Variants in ST8SIA5 observed in about 807,000 individuals in gnomAD.
ST8SIA5 encodes alpha-2,8-sialyltransferase 8E.
A neutral mutation model predicts 40.2 loss-of-function variants in ST8SIA5; 24 were observed. The ratio of observed to expected loss-of-function variants is 0.60; its 90% CI spans 0.43 to 0.84. The LOEUF is 0.84. Ranked by LOEUF, ST8SIA5 falls within the 40% of genes least tolerant of loss-of-function variation. ST8SIA5 has a pLI of 0.00. For missense variants in ST8SIA5, 465 were observed against 498.5 expected, an observed-to-expected ratio of 0.93 and a Z score of 0.64; for synonymous variants, 198 against 201.8, an observed-to-expected ratio of 0.98 and a Z score of 0.16.
intron 2 of ST8SIA5, among the ~76,000 whole-genome samples, chr18:46,704,311 C>T (rs1274190151): frequency 6.6e-6 from 1 of 152,134 alleles, no homozygotes; most frequent in African/African-American, 2.4e-5. Flanking sequence ...GTAATTGAGG[C>T]GGGGACTTTA....
At chr18:46,733,552 C>A (rs370108820) in intron 1 of ST8SIA5, among the ~76,000 whole-genome samples, 2 of 151,064 alleles carry the variant, frequency 1.3e-5, no homozygotes, top group African/African-American at 4.9e-5. Flanking sequence ...AACTAACAGG[C>A]GACAAAATGC....
intron 1 of ST8SIA5, among the ~76,000 whole-genome samples, chr18:46,736,761 C>T (rs2040038429): frequency 6.6e-6 from 1 of 152,088 alleles, no homozygotes; most frequent in African/African-American, 2.4e-5. Context: ...GATGGAATAC[C>T]AGGCTGGAGT....
Position 46,692,224 on chromosome 18 carries a change from T to C in ST8SIA5, c.256A>G (p.Lys86Glu), listed in dbSNP as rs2039513088. 6.2e-7 allele frequency: 1 copy of C among 1,613,996 alleles called. No homozygotes were observed. Among genetic ancestry groups the C allele is most frequent in the Admixed American group, 1.7e-5 (1 of 59,994 alleles). The change falls in exon 3 of 7, where the codon AAG becomes GAG. Residue 86 changes from lysine to glutamate, a missense_variant. Coordinates refer to ENST00000315087, the MANE Select transcript of ST8SIA5 (RefSeq NM_013305.6). ...GCCCATTTGCACATCTGGAGGCTCT[T>C]CCACCTGTCGAACAGCTCTGACTGC... Reference protein sequence around the residue: ...VKQSELFDRWKSLQMCKWAMN... With the variant: ...VKQSELFDRWESLQMCKWAMN...
intron 1 of ST8SIA5, among the ~76,000 whole-genome samples, chr18:46,729,403 C>T (rs1040283666): frequency 2.9e-4 from 3 of 10,286 alleles, no homozygotes; most frequent in African/African-American, 4.8e-4. Flanking sequence ...TGAACTCCAC[C>T]CTCCCCAGAG....
Position 46,752,235 on chromosome 18 carries a change from G to T in ST8SIA5, c.131+4143C>A, listed in dbSNP as rs139892181. 1.2e-4 allele frequency among the ~76,000 whole-genome samples: 18 copies of T among 152,154 alleles called. 1 individual carries two copies. The East Asian group carries it at 3.5e-3, about 29-fold the overall frequency. Reference sequence around the variant, plus strand: ...GCCTCCATGTACCTTGAAACACAGTGATTTTCTCTGGCGCCTCCTCCTTGT... The same window carrying T: ...GCCTCCATGTACCTTGAAACACAGTTATTTTCTCTGGCGCCTCCTCCTTGT... On this transcript the variant is annotated intron_variant, in intron 1 of 6. Transcript: ENST00000315087.
chr18:46,692,284 G>C, intron 2 of ST8SIA5, 29 bp from the exon 3 acceptor site: 1 of 1,606,612 alleles, frequency 6.2e-7, no homozygotes, highest in Non-Finnish European at 8.5e-7. Context: ...AAGAGTACAT[G>C]AGCAGGGTAG....
At chr18:46,709,719 G>T (rs866178071) in intron 1 of ST8SIA5, among the ~76,000 whole-genome samples, 4 of 152,154 alleles carry the variant, frequency 2.6e-5, no homozygotes, top group Admixed American at 2.0e-4. Flanking sequence ...TTATATATAC[G>T]TATGTGAAAG....
chr18:46,725,996 T>TATATATATCCTGG (rs1555696976), intron 1 of ST8SIA5, among the ~76,000 whole-genome samples: 40 of 66,022 alleles, frequency 6.1e-4, no homozygotes, highest in Non-Finnish European at 8.7e-4. Flanking sequence ...TATATATATA[T>TATATATATCCTGG]ATATATATAT....
intron 1 of ST8SIA5, among the ~76,000 whole-genome samples, chr18:46,736,408 G>A (rs1456754336): frequency 6.6e-6 from 1 of 152,208 alleles, no homozygotes; most frequent in African/African-American, 2.4e-5. Flanking sequence ...CAGCAGAAGT[G>A]CACCGGGTGG....
At chr18:46,708,577 A>G (rs1044340886) in intron 1 of ST8SIA5, among the ~76,000 whole-genome samples, 1 of 152,116 alleles carries the variant, frequency 6.6e-6, no homozygotes, top group Non-Finnish European at 1.5e-5. Flanking sequence ...ATACTCTTGG[A>G]CACTGGAATA....
At chr18:46,737,382 T>C (rs1264181077) in intron 1 of ST8SIA5, among the ~76,000 whole-genome samples, 1 of 152,254 alleles carries the variant, frequency 6.6e-6, no homozygotes, top group Non-Finnish European at 1.5e-5. Context: ...TTAAGTGTTC[T>C]GTAAGTTTCT....
intron 1 of ST8SIA5, among the ~76,000 whole-genome samples, chr18:46,730,633 G>C (rs774616287): frequency 5.9e-5 from 9 of 152,104 alleles, no homozygotes; most frequent in Non-Finnish European, 7.4e-5. Context: ...AGGAGTTTGA[G>C]ACCAGCCTAG....
Position 46,680,492 on chromosome 18 carries a change from C to G in ST8SIA5, c.681G>C (p.Lys227Asn), listed in dbSNP as rs771106604. ...IITERFHKLE[K>N]WRRPFYRVLQ... ...GCACGCGATAGAACGGCCGCCGCCA[C>G]TTCTCCAGCTTGTGGAACCTACACA... The change falls in exon 7 of 7, where the codon AAG (lysine) becomes AAC (asparagine). Residue 227 changes from lysine to asparagine, a missense_variant. Lys to Asn is a moderately conservative substitution (Grantham distance 94). Coordinates refer to ENST00000315087, the MANE Select transcript of ST8SIA5 (RefSeq NM_013305.6). 4.4e-6 allele frequency: 7 copies of G among 1,593,552 alleles called. No homozygotes were observed. In the African/African-American group the frequency reaches 5.4e-5, roughly 12 times the overall value.
intron 1 of ST8SIA5, among the ~76,000 whole-genome samples, chr18:46,743,675 G>A (rs996842012): frequency 6.6e-6 from 1 of 152,144 alleles, no homozygotes; most frequent in Non-Finnish European, 1.5e-5. Context: ...CCCCAACCTA[G>A]CAAGGCAGGC....
chr18:46,752,549 C>G (rs1314886443), intron 1 of ST8SIA5, among the ~76,000 whole-genome samples: 1 of 152,224 alleles, frequency 6.6e-6, no homozygotes, highest in Non-Finnish European at 1.5e-5. Context: ...TGCACTGCCC[C>G]ACCTTCTCCC....
chr18:46,755,053 C>T (rs1347373147), intron 1 of ST8SIA5, among the ~76,000 whole-genome samples: 3 of 152,240 alleles, frequency 2.0e-5, no homozygotes, highest in Non-Finnish European at 4.4e-5. Flanking sequence ...TCAGGAGCTG[C>T]CACCAACCAG....
At chr18:46,728,503 A>G (rs1336951936) in intron 1 of ST8SIA5, among the ~76,000 whole-genome samples, 1 of 152,236 alleles carries the variant, frequency 6.6e-6, no homozygotes, top group Non-Finnish European at 1.5e-5. Flanking sequence ...GGCTGAATCT[A>G]TGGGGCACAG....
chr18:46,692,092 A>G (rs776833210), intron 3 of ST8SIA5, 77 bp downstream of exon 3: 15 of 1,486,570 alleles, frequency 1.0e-5, no homozygotes, highest in Non-Finnish European at 1.3e-5. Flanking sequence ...TGGGCCTTGC[A>G]GGACAATGGA....
intron 5 of ST8SIA5, among the ~76,000 whole-genome samples, chr18:46,682,470 T>C (rs774976170): frequency 6.6e-6 from 1 of 152,244 alleles, no homozygotes; most frequent in Non-Finnish European, 1.5e-5. Context: ...GCAAATGTCC[T>C]GTGGCAGGAG....
Sources: gnomAD v4.1 joint callset for allele counts (sites outside exome capture counted in the v4.1 genomes callset) on GRCh38, gnomAD v4.1.1 for gene constraint, MANE v1.5 for transcripts, NCBI Gene and HGNC (gene_info 2026-07-23, HGNC 2026-07-21) for gene names.